The following CLASP1 variants were observed in gnomAD, a reference collection of about 807,000 sequenced individuals.
The protein encoded by CLASP1 is cytoplasmic linker associated protein 1.
In CLASP1, 38 loss-of-function variants were observed where a neutral mutation model predicts 192.3. That is an observed-to-expected ratio of 0.20 (90% CI 0.15 to 0.26). CLASP1 has a LOEUF of 0.26. Ranked by LOEUF, CLASP1 falls within the 10% of genes least tolerant of loss-of-function variation. CLASP1 has a pLI of 1.00. For missense variants in CLASP1, 1,433 were observed against 1,932.5 expected (o/e 0.74, Z 4.85); for synonymous variants, 691 against 712.8 (o/e 0.97, Z 0.49).
chr2:121,496,880 T>C (rs1268909829), intron 8 of CLASP1, among the ~76,000 whole-genome samples: 1 of 152,200 alleles, frequency 6.6e-6, no homozygotes, highest in East Asian at 1.9e-4. Context: ...CACAATGGTA[T>C]ATAATTCAGC....
intron 8 of CLASP1, among the ~76,000 whole-genome samples, chr2:121,480,835 T>C (rs2092540598): frequency 6.6e-6 from 1 of 152,208 alleles, no homozygotes; most frequent in African/African-American, 2.4e-5. Context: ...ACCTCTCTTC[T>C]TGTGGACTTA....
intron 1 of CLASP1, among the ~76,000 whole-genome samples, chr2:121,648,635 T>C (rs1031561410): frequency 3.9e-5 from 6 of 152,214 alleles, no homozygotes; most frequent in African/African-American, 1.4e-4. Context: ...CCATTGTACC[T>C]AGCCAGGCTA....
chr2:121,465,379 GACAA>G (rs1332207530), intron 9 of CLASP1, among the ~76,000 whole-genome samples: 7 of 152,116 alleles, frequency 4.6e-5, no homozygotes, highest in South Asian at 2.1e-4. Context: ...ACCAATAACA[GACAA>G]ACAGAGAGCC....
chr2:121,529,769 G>A (rs1382120505), intron 3 of CLASP1, among the ~76,000 whole-genome samples: 1 of 152,140 alleles, frequency 6.6e-6, no homozygotes, highest in African/African-American at 2.4e-5. Flanking sequence ...TAATCATCTG[G>A]AGAAAAATAC....
intron 4 of CLASP1, among the ~76,000 whole-genome samples, chr2:121,528,474 C>T (rs1296481900): frequency 6.6e-6 from 1 of 152,188 alleles, no homozygotes; most frequent in Non-Finnish European, 1.5e-5. Flanking sequence ...GTTAAATCCA[C>T]TAATTTACTC....
chr2:121,356,070 G>T (rs1246240127), intron 37 of CLASP1, among the ~76,000 whole-genome samples: 1 of 152,170 alleles, frequency 6.6e-6, no homozygotes, highest in Admixed American at 6.5e-5. Flanking sequence ...TCAAAATTTG[G>T]ATTGCATGTT....
chr2:121,568,953 A>AT (rs1205205903), intron 2 of CLASP1, among the ~76,000 whole-genome samples: 1 of 152,110 alleles, frequency 6.6e-6, no homozygotes, highest in African/African-American at 2.4e-5. Context: ...CTGGTGTCAT[A>AT]TATCTGTTAA....
chr2:121,388,808 T>C (rs2073819665), intron 30 of CLASP1, among the ~76,000 whole-genome samples: 1 of 152,262 alleles, frequency 6.6e-6, no homozygotes, highest in Non-Finnish European at 1.5e-5. Context: ...AAAAACTGTC[T>C]GTGAATATAA....
intron 9 of CLASP1, among the ~76,000 whole-genome samples, chr2:121,469,468 G>A (rs1009753577): frequency 2.0e-5 from 3 of 152,124 alleles, no homozygotes; most frequent in African/African-American, 7.2e-5. Flanking sequence ...TGCCCCTAGT[G>A]GTTTCAGGCA....
At chr2:121,474,782 G>A (rs2091391668) in intron 8 of CLASP1, among the ~76,000 whole-genome samples, 1 of 152,096 alleles carries the variant, frequency 6.6e-6, no homozygotes, top group Non-Finnish European at 1.5e-5. Context: ...AGCCAATGTA[G>A]GGCTTTTTAA....
chr2:121,356,404 T>C (rs768965939), intron 37 of CLASP1, among the ~76,000 whole-genome samples: 13 of 152,222 alleles, frequency 8.5e-5, no homozygotes, highest in Non-Finnish European at 1.8e-4. Flanking sequence ...AGCATGGCCC[T>C]GAACCTGGGA....
chr2:121,525,791 ATC>A, intron 6 of CLASP1, 52 bp downstream of exon 6: 1 of 1,264,382 alleles, frequency 7.9e-7, no homozygotes, highest in Non-Finnish European at 1.1e-6. Context: ...ACCAGAATGC[ATC>A]TCAACAGTCT....
At chr2:121,503,924 A>G (rs896533879) in intron 7 of CLASP1, 1 of 152,172 alleles carries the variant, frequency 6.6e-6, no homozygotes, top group Admixed American at 6.5e-5. Context: ...TAGTAGAAAA[A>G]GTTAAGAAAA....
chr2:121,601,111 T>A (rs1171433675), intron 2 of CLASP1, among the ~76,000 whole-genome samples: 2 of 152,296 alleles, frequency 1.3e-5, no homozygotes, highest in Middle Eastern at 3.4e-3. Context: ...TTTAGGTCAT[T>A]TGAGTCAGTT....
chr2:121,530,995 A>T lies in CLASP1; in HGVS notation c.196-670T>A, dbSNP rs982261295. On this transcript the variant is annotated intron_variant, in intron 2 of 39. Transcript: ENST00000263710. ...TAGAGCTTTTGCTTTATTTTGGTGCAATTTTTGGAAAAATGAAAACCTGTT... is the reference window on the plus strand; with the variant it reads ...TAGAGCTTTTGCTTTATTTTGGTGCTATTTTTGGAAAAATGAAAACCTGTT... 7.1e-6 allele frequency: 5 copies of T among 700,280 alleles called. No homozygotes were observed. Among genetic ancestry groups the T allele is most frequent in the South Asian group, 3.0e-5 (2 of 67,502 alleles). The allele number at this position is 700,280 out of a possible 1,614,324, so 43.4% of individuals were successfully genotyped here.
intron 2 of CLASP1, chr2:121,531,142 T>C (rs946704152): frequency 6.5e-6 from 4 of 612,502 alleles, no homozygotes; most frequent in East Asian, 2.8e-5. Context: ...CTTTCAGTTT[T>C]TGCGGTGATT....
chr2:121,494,679 A>G (rs1306102822), intron 8 of CLASP1, among the ~76,000 whole-genome samples: 3 of 152,180 alleles, frequency 2.0e-5, no homozygotes, highest in African/African-American at 7.2e-5. Context: ...TGTTATGCAA[A>G]ATACCTATGT....
At chr2:121,457,071 C>T (rs977698610) in intron 14 of CLASP1, among the ~76,000 whole-genome samples, 3 of 152,188 alleles carry the variant, frequency 2.0e-5, no homozygotes, top group Non-Finnish European at 2.9e-5. Context: ...ATTCCTCACA[C>T]GTAGTTTAGG....
At chr2:121,347,743 T>C (rs377348637) in intron 38 of CLASP1, among the ~76,000 whole-genome samples, 3 of 152,320 alleles carry the variant, frequency 2.0e-5, no homozygotes, top group Non-Finnish European at 2.9e-5. Flanking sequence ...CCAAACAGCC[T>C]GGGACTCTTC....
Sources: gnomAD v4.1 joint callset for allele counts (sites outside exome capture counted in the v4.1 genomes callset) on GRCh38, gnomAD v4.1.1 for gene constraint, MANE v1.5 for transcripts, NCBI Gene and HGNC (gene_info 2026-07-23, HGNC 2026-07-21) for gene names.